ZNF320: variants seen among roughly 807,000 people sequenced by gnomAD.
The protein encoded by ZNF320 is zinc finger gene 320.
ZNF320 carries 2 observed loss-of-function variants against 6.8 expected under a neutral mutation model. The observed-to-expected ratio is 0.29, with a 90% confidence interval of 0.12 to 0.93. The LOEUF is 0.93. ZNF320 is among the 40% of genes least tolerant of loss of function. The pLI is 0.55. For synonymous variants in ZNF320, 208 were observed against 203.2 expected, an observed-to-expected ratio of 1.02 and a Z score of -0.20; for missense variants, 472 against 611.0, an observed-to-expected ratio of 0.77 and a Z score of 2.40.
chr19:52,892,994 GCTTT>G (rs1310477150), intron 2 of ZNF320, among the ~76,000 whole-genome samples: 1 of 151,554 alleles, frequency 6.6e-6, no homozygotes, highest in African/African-American at 2.4e-5. Context: ...TTCTCCTCCT[GCTTT>G]CTTATTTTTT....
chr19:52,878,241 C>CTTTTTT lies in ZNF320; in HGVS notation c.*2349_*2354dup, dbSNP rs59001698. ...TGCCTGCCACTCTGTGCATCACTTTCTTTTTTTTTTTTTTTTTTTTTTTTT... is the reference window on the plus strand; with the variant it reads ...TGCCTGCCACTCTGTGCATCACTTTCTTTTTTTTTTTTTTTTTTTTTTTTTTTTTTT... On this transcript the variant is annotated 3_prime_UTR_variant, in exon 6 of 6. Coordinates refer to ENST00000682928, the MANE Select transcript of ZNF320 (RefSeq NM_001351774.2). 3 of 98,874 alleles carry CTTTTTT rather than the reference C, an allele frequency of 3.0e-5. No individual in the cohort carries two copies. The highest frequency in any genetic ancestry group is 1.1e-4 in the Admixed American group (1 of 8,880). The allele number at this position is 98,874 out of a possible 1,614,324, so 6.1% of individuals were successfully genotyped here.
intron 5 of ZNF320, among the ~76,000 whole-genome samples, chr19:52,886,433 A>G (rs878921624): frequency 2.0e-5 from 3 of 152,092 alleles, no homozygotes; most frequent in Non-Finnish European, 2.9e-5. Flanking sequence ...GCACCTGGCC[A>G]GGTTATGGAA....
At chr19:52,895,914 T>C (rs2064456374) in intron 1 of ZNF320, 1 of 151,840 alleles carries the variant, frequency 6.6e-6, no homozygotes. Flanking sequence ...CAGTCTTCTA[T>C]GTAAACTGAA....
At chr19:52,871,229 G>A (rs2063675583), downstream of ZNF320, among the ~76,000 whole-genome samples, 1 of 152,152 alleles carries the variant, frequency 6.6e-6, no homozygotes, top group Non-Finnish European at 1.5e-5. Flanking sequence ...CTAAAGTGGG[G>A]ATTGATTGAG....
At chr19:52,866,233 CATAT>C (rs35128688) in intron 5 of ZNF320, among the ~76,000 whole-genome samples, 1 of 112,460 alleles carries the variant, frequency 8.9e-6, no homozygotes, top group Non-Finnish European at 1.7e-5. Context: ...TATGATTATA[CATAT>C]ATATATATAT....
chr19:52,876,409 A>T lies in ZNF320; in HGVS notation c.*4187T>A, dbSNP rs1386633650. 1 of 152,086 alleles carries T rather than the reference A, an allele frequency of 6.6e-6. No individual in the cohort carries two copies. Among genetic ancestry groups the T allele is most frequent in the Non-Finnish European group, 1.5e-5 (1 of 68,030 alleles). 9.4% of individuals were successfully genotyped at this position (152,086 alleles called of 1,614,324 possible). ...TATCTAATGAAATGTGGGGTCAAAG[A>T]AGAACATTTTGAACACATACCGTAG... On this transcript the variant is annotated 3_prime_UTR_variant, in exon 6 of 6. Transcript: ENST00000682928.
intron 2 of ZNF320, among the ~76,000 whole-genome samples, chr19:52,893,074 C>T (rs907272157): frequency 1.3e-5 from 2 of 151,792 alleles, no homozygotes; most frequent in Non-Finnish European, 2.9e-5. Flanking sequence ...TGTTATGGGC[C>T]TTTCTCATTC....
In ZNF320 at chr19:52,880,464, G is replaced by A; in HGVS notation, c.*132C>T. On this transcript the variant is annotated 3_prime_UTR_variant, in exon 6 of 6. Transcript: ENST00000682928. ...GACCTACCTGTCTTGGCCTCTCAAA[G>A]TGCTGGGATTACAGGTGTGAGACAC... The A allele has an allele frequency of 1.1e-6, 1 of 908,978 alleles. No homozygotes were observed. Among genetic ancestry groups the A allele is most frequent in the Non-Finnish European group, 1.6e-6 (1 of 615,692 alleles). The allele number at this position is 908,978 out of a possible 1,614,324, so 56.3% of individuals were successfully genotyped here.
rs1052873856 is a variant in ZNF320 at position 52,869,662 on chromosome 19, G to C, written c.223+4330C>G. ...AGCAATTCTCTTGCCTCAGCCTCCT[G>C]AGTAGCTGGGATAACAGGTGCCTGC... On this transcript the variant is annotated intron_variant, in intron 5 of 5. Coordinates refer to the ZNF320 transcript ENST00000673631. Among the ~76,000 whole-genome samples the C allele has an allele frequency of 3.3e-5, 5 of 151,900 alleles. No homozygotes were observed. In the East Asian group the frequency reaches 7.7e-4, roughly 24 times the overall value.
intron 5 of ZNF320, among the ~76,000 whole-genome samples, chr19:52,887,908 C>G (rs1404566108): frequency 6.6e-6 from 1 of 152,086 alleles, no homozygotes; most frequent in Non-Finnish European, 1.5e-5. Context: ...TTTATGCCTA[C>G]TTTAGTTCTG....
chr19:52,862,873 A>C (rs901567998), exon 6 of ZNF320: 1 of 306,432 alleles, frequency 3.3e-6, no homozygotes, highest in East Asian at 8.5e-5. Context: ...TTGTGAACAA[A>C]ATTACAACAA....
rs1370222424 is a variant in ZNF320, at chr19:52,881,737, T to C, written c.389A>G (p.His130Arg). 12 of 1,614,032 alleles carry C rather than the reference T, an allele frequency of 7.4e-6. No homozygotes were observed. The highest frequency in any genetic ancestry group is 2.2e-5 in the East Asian group (1 of 44,874). ...TSSTDRYDQR[H>R]AGNKPIKGQL... Reference sequence around the variant, plus strand: ...ACCTTTAATAGGCTTGTTTCCAGCATGCCTTTGATCATATCGGTCTGTACT... The same window carrying C: ...ACCTTTAATAGGCTTGTTTCCAGCACGCCTTTGATCATATCGGTCTGTACT... The change falls in exon 6 of 6, where the codon CAT (histidine) becomes CGT (arginine). Residue 130 changes from histidine (H) to arginine (R), a missense_variant. Transcript: ENST00000682928.
chr19:52,885,559 A>T (rs1215907785), intron 5 of ZNF320, among the ~76,000 whole-genome samples: 2 of 151,816 alleles, frequency 1.3e-5, no homozygotes, highest in Non-Finnish European at 2.9e-5. Context: ...AACTAAAAAT[A>T]CCAAAAATTA....
chr19:52,886,098 G>A (rs2050586635), intron 5 of ZNF320, among the ~76,000 whole-genome samples: 1 of 147,052 alleles, frequency 6.8e-6, no homozygotes, highest in African/African-American at 2.5e-5. Context: ...TTCTACTGGA[G>A]AAGAAGTAGT....
In ZNF320 at chr19:52,877,821, A is replaced by C. The variant is rs1174752606; in HGVS notation, c.*2775T>G. 6.6e-6 allele frequency: 1 copy of C among 152,082 alleles called. No homozygotes were observed. Among genetic ancestry groups the C allele is most frequent in the East Asian group, 1.9e-4 (1 of 5,194 alleles). The allele number at this position is 152,082 out of a possible 1,614,324, so 9.4% of individuals were successfully genotyped here. A position where few individuals can be genotyped will look rare whatever the true frequency, so the allele number is the denominator to read the frequency against. The stretch of plus-strand genomic sequence containing the variant: ...TGTTTTATATAGATTTTTCCACAAC[A>C]GTAAAGTCCAAGGGTCTGTCATGAA... On this transcript the variant is annotated 3_prime_UTR_variant, in exon 6 of 6. Transcript: ENST00000682928.
chr19:52,884,300 G>A (rs1327454223), intron 5 of ZNF320, among the ~76,000 whole-genome samples: 2 of 152,026 alleles, frequency 1.3e-5, no homozygotes, highest in Admixed American at 6.6e-5. Flanking sequence ...GAGTGTACTG[G>A]CAGGATTCTC....
chr19:52,896,926 C>G (rs2064492042), intron 1 of ZNF320, among the ~76,000 whole-genome samples: 2 of 152,196 alleles, frequency 1.3e-5, no homozygotes, highest in African/African-American at 4.8e-5. Context: ...GGCCAAGCAC[C>G]GGCCACACCT....
At chr19:52,894,535 G>A (rs557848339) in intron 1 of ZNF320, among the ~76,000 whole-genome samples, 5 of 152,134 alleles carry the variant, frequency 3.3e-5, no homozygotes, top group East Asian at 3.9e-4. Context: ...ACAGTAATAC[G>A]TTCAAAATAA....
chr19:52,864,175 C>T (rs766965171), intron 5 of ZNF320: 6 of 239,958 alleles, frequency 2.5e-5, no homozygotes, highest in Non-Finnish European at 3.5e-5. Flanking sequence ...ATGAGAAACA[C>T]GTTTAAATAA....
Sources: allele counts gnomAD v4.1 joint callset (sites outside exome capture counted in the v4.1 genomes callset), GRCh38; gene constraint gnomAD v4.1.1; transcripts MANE v1.5; gene names NCBI Gene and HGNC (gene_info 2026-07-23, HGNC 2026-07-21).